CTNNA3: variants seen among roughly 807,000 people sequenced by gnomAD.
The protein encoded by CTNNA3 is catenin alpha-3.
CTNNA3 carries 76 observed loss-of-function variants against 95.7 expected under a neutral mutation model. The ratio of observed to expected loss-of-function variants is 0.79; its 90% CI spans 0.66 to 0.96. The LOEUF is 0.96. CTNNA3 is among the 40% of genes least tolerant of loss of function. The probability of loss-of-function intolerance (pLI) is 0.00; values close to 1 mark genes in which losing one functional copy is unlikely to be tolerated. For synonymous variants in CTNNA3, 431 were observed against 374.4 expected (o/e 1.15, Z -1.74); for missense variants, 1,191 against 1,089.8 (o/e 1.09, Z -1.31).
intron 9 of CTNNA3, among the ~76,000 whole-genome samples, chr10:66,700,424 T>G (rs905293572): frequency 6.6e-6 from 1 of 152,158 alleles, no homozygotes; most frequent in East Asian, 1.9e-4. Context: ...GTAGCCTTGC[T>G]GAAAATTGGT....
chr10:66,343,334 A>T (rs2092472427), intron 12 of CTNNA3, among the ~76,000 whole-genome samples: 1 of 152,100 alleles, frequency 6.6e-6, no homozygotes, highest in African/African-American at 2.4e-5. Flanking sequence ...TAGGTGTCTA[A>T]CAACAGATGA....
intron 13 of CTNNA3, among the ~76,000 whole-genome samples, chr10:66,256,223 T>C (rs985802280): frequency 6.6e-6 from 1 of 152,204 alleles, no homozygotes; most frequent in Admixed American, 6.5e-5. Flanking sequence ...CAAGCTAGAC[T>C]GCTGGACACT....
chr10:66,897,545 G>C (rs1845549935), intron 7 of CTNNA3, among the ~76,000 whole-genome samples: 1 of 152,114 alleles, frequency 6.6e-6, no homozygotes, highest in East Asian at 1.9e-4. Flanking sequence ...TATTTTAAAA[G>C]GCAAAAACCA....
At chr10:66,099,317 GCCAAAAGTTA>G (rs2081522329) in intron 14 of CTNNA3, among the ~76,000 whole-genome samples, 1 of 152,112 alleles carries the variant, frequency 6.6e-6, no homozygotes, top group Non-Finnish European at 1.5e-5. Flanking sequence ...TGTGAAATGT[GCCAAAAGTTA>G]CACTCAGTGC....
chr10:67,019,372 C>T lies in CTNNA3; in HGVS notation c.1047+160945G>A, dbSNP rs555119387. Reference sequence around the variant, plus strand: ...TAGCTGGGATTACAGGCATGTGCCACCACGCCAGGCTAATTTTGTGTTTTT... The same window carrying T: ...TAGCTGGGATTACAGGCATGTGCCATCACGCCAGGCTAATTTTGTGTTTTT... On this transcript the variant is annotated intron_variant, in intron 7 of 17. Transcript: ENST00000433211. Among the ~76,000 whole-genome samples the T allele has an allele frequency of 3.8e-4, 58 of 152,278 alleles. No homozygotes were observed. The South Asian group carries it at 7.5e-3, about 20-fold the overall frequency.
At chr10:66,348,134 G>A (rs890652557) in intron 12 of CTNNA3, among the ~76,000 whole-genome samples, 49 of 152,074 alleles carry the variant, frequency 3.2e-4, no homozygotes, top group African/African-American at 1.1e-3. Context: ...AAGGAATCCT[G>A]ACTCTTAAGC....
intron 13 of CTNNA3, among the ~76,000 whole-genome samples, chr10:66,263,608 C>A (rs2091071094): frequency 1.3e-5 from 2 of 151,962 alleles, no homozygotes; most frequent in Non-Finnish European, 2.9e-5. Flanking sequence ...CTAAACACTG[C>A]ACATTTTGGA....
At chr10:67,497,424 T>A (rs1478949213) in intron 5 of CTNNA3, among the ~76,000 whole-genome samples, 5 of 152,196 alleles carry the variant, frequency 3.3e-5, no homozygotes, top group African/African-American at 1.2e-4. Flanking sequence ...GTAGAATGAT[T>A]TATAATCCTT....
intron 16 of CTNNA3, among the ~76,000 whole-genome samples, chr10:65,977,933 G>T (rs1270135457): frequency 4.6e-5 from 7 of 152,170 alleles, no homozygotes; most frequent in Non-Finnish European, 8.8e-5. Flanking sequence ...AAAGCGATCA[G>T]TGGTAGCAAA....
chr10:67,630,060 G>T (rs943938029), intron 2 of CTNNA3, among the ~76,000 whole-genome samples: 5 of 152,124 alleles, frequency 3.3e-5, no homozygotes, highest in African/African-American at 1.2e-4. Context: ...CAGGGTTCTT[G>T]CCAACCTATA....
chr10:66,660,335 GT>G (rs1280186189), intron 9 of CTNNA3, among the ~76,000 whole-genome samples: 3 of 152,098 alleles, frequency 2.0e-5, no homozygotes, highest in Admixed American at 1.3e-4. Flanking sequence ...TAACTCACTG[GT>G]TTTTGATCCA....
intron 9 of CTNNA3, among the ~76,000 whole-genome samples, chr10:66,700,755 T>G (rs570878931): frequency 6.6e-6 from 1 of 152,290 alleles, no homozygotes; most frequent in East Asian, 1.9e-4. Flanking sequence ...CCTTGCAGTT[T>G]TGCACCTTGC....
intron 7 of CTNNA3, among the ~76,000 whole-genome samples, chr10:67,030,926 C>T (rs900951547): frequency 2.6e-5 from 4 of 152,116 alleles, no homozygotes; most frequent in African/African-American, 9.7e-5. Context: ...ATTGCTTGAA[C>T]CCGAGAGGTG....
intron 7 of CTNNA3, among the ~76,000 whole-genome samples, chr10:66,903,312 C>T (rs138093389): frequency 0.01 from 1,558 of 152,108 alleles, 14 homozygotes; most frequent in African/African-American, 0.022. Flanking sequence ...AAAAGGCCTT[C>T]GACAAAATTC....
At chr10:66,355,735 T>A (rs1226780595) in intron 12 of CTNNA3, among the ~76,000 whole-genome samples, 1 of 61,720 alleles carries the variant, frequency 1.6e-5, no homozygotes, top group African/African-American at 3.6e-5. Context: ...GAAATCAAAT[T>A]ATAATTTTTT....
At position 66,182,731 on chromosome 10, in the gene CTNNA3, AT is replaced by A. The variant is rs201218681; in HGVS notation, c.1885-79483del. ...AGGATCTTAATGCCAAAAAAAGATG[AT>A]TTTTTTTTAAAAGAAATAATTTAAG... On this transcript the variant is annotated intron_variant, in intron 13 of 17. Coordinates refer to ENST00000433211, the MANE Select transcript of CTNNA3 (RefSeq NM_013266.4). 4.6e-4 allele frequency among the ~76,000 whole-genome samples: 59 copies of A among 128,720 alleles called. 1 individual carries two copies. In the East Asian group the frequency reaches 7.8e-3, roughly 17 times the overall value. 84.4% of individuals were successfully genotyped at this position (128,720 alleles called of 152,430 possible). A position where few individuals can be genotyped will look rare whatever the true frequency, so the allele number is the denominator to read the frequency against.
intron 5 of CTNNA3, among the ~76,000 whole-genome samples, chr10:67,302,288 G>A (rs1234594188): frequency 6.6e-6 from 1 of 152,068 alleles, no homozygotes; most frequent in African/African-American, 2.4e-5. Flanking sequence ...TGGGGGATTG[G>A]GGAGATGTTG....
chr10:66,662,778 T>TGA lies in CTNNA3; in HGVS notation c.1282-40996_1282-40995dup, dbSNP rs367883406. ...TCAATCATGTAGCAATATTTTCATC[T>TGA]GAGAGAGAGAGAGAGAAGGAGGGGA... On this transcript the variant is annotated intron_variant, in intron 9 of 17. Coordinates refer to ENST00000433211, the MANE Select transcript of CTNNA3 (RefSeq NM_013266.4). 3.3e-3 allele frequency among the ~76,000 whole-genome samples: 495 copies of TGA among 151,114 alleles called. 3 individuals carry two copies. The highest frequency in any genetic ancestry group is 0.011 in the African/African-American group (467 of 41,262).
At chr10:67,472,960 T>C (rs775036638) in intron 5 of CTNNA3, among the ~76,000 whole-genome samples, 2 of 152,184 alleles carry the variant, frequency 1.3e-5, no homozygotes, top group Non-Finnish European at 2.9e-5. Flanking sequence ...CCTTTCTCCA[T>C]AGCTGTACAT....
Sources: allele counts gnomAD v4.1 joint callset (sites outside exome capture counted in the v4.1 genomes callset), GRCh38; gene constraint gnomAD v4.1.1; transcripts MANE v1.5; gene names NCBI Gene and HGNC (gene_info 2026-07-23, HGNC 2026-07-21).